Variants in SUSD4 observed in about 807,000 individuals in gnomAD.
SUSD4 encodes the protein sushi domain-containing protein 4.
In SUSD4, 41 loss-of-function variants were observed where a neutral mutation model predicts 50.5. The ratio of observed to expected loss-of-function variants is 0.81; its 90% CI spans 0.63 to 1.05. SUSD4 has a LOEUF of 1.05. Among genes scored for constraint, SUSD4 ranks in the 50% least tolerant of loss-of-function variants. The pLI is 0.00. For missense variants in SUSD4, 580 were observed against 634.7 expected, an observed-to-expected ratio of 0.91 and a Z score of 0.93; for synonymous variants, 257 against 257.3, an observed-to-expected ratio of 1.00 and a Z score of 0.01.
intron 2 of SUSD4, among the ~76,000 whole-genome samples, chr1:223,350,989 A>T (rs529610496): frequency 9.8e-5 from 15 of 152,370 alleles, no homozygotes; most frequent in African/African-American, 3.4e-4. Flanking sequence ...AACAATGAAG[A>T]TACCAATATT....
In SUSD4 at chr1:223,332,983, C is replaced by G. The variant is rs1261565293; in HGVS notation, c.148+30295G>C. 6.6e-6 allele frequency among the ~76,000 whole-genome samples: 1 copy of G among 152,142 alleles called. No individual in the cohort carries two copies. The highest frequency in any genetic ancestry group is 1.5e-5 in the Non-Finnish European group (1 of 68,014). ...AACTGCACACCACACCCTCCTCTCC[C>G]ACACAGTTGTCCTGGGGAAATCATG... On this transcript the variant is annotated intron_variant, in intron 2 of 8. Transcript: ENST00000366878. This position sits in a 1 kb window ranked among gnomAD's most constrained non-coding sequence, Gnocchi z 4.0.
chr1:223,354,967 T>TTTC (rs370245516), intron 2 of SUSD4, among the ~76,000 whole-genome samples: 1 of 151,202 alleles, frequency 6.6e-6, no homozygotes, highest in African/African-American at 2.4e-5. Flanking sequence ...TCTTTCTTTC[T>TTTC]TTTTTTTTGA....
At chr1:223,344,091 A>G (rs1667903443) in intron 2 of SUSD4, among the ~76,000 whole-genome samples, 1 of 152,248 alleles carries the variant, frequency 6.6e-6, no homozygotes, top group South Asian at 2.1e-4. Context: ...AATGTGAGTC[A>G]TAATTTTTCA....
chr1:223,310,252 G>A (rs1665792173), intron 2 of SUSD4, among the ~76,000 whole-genome samples: 1 of 152,180 alleles, frequency 6.6e-6, no homozygotes, highest in Non-Finnish European at 1.5e-5. Flanking sequence ...AAGCACAGCT[G>A]TGATGCTATG....
At position 223,231,450 on chromosome 1, in the gene SUSD4, C is replaced by G. The variant is rs1297825599; in HGVS notation, c.725-2062G>C. ...CAGAGACAGGCTTTGAGCTCTGACT[C>G]TGAGGCCCAGGAGCTTTCTGCTGCT... is the stretch of plus-strand genomic sequence containing the variant. On this transcript the variant is annotated intron_variant, in intron 5 of 8. Transcript: ENST00000366878. The surrounding 1 kb of genome is among the most constrained non-coding windows in gnomAD (Gnocchi z 4.2). Among the ~76,000 whole-genome samples the G allele has an allele frequency of 6.6e-6, 1 of 152,150 alleles. No homozygotes were observed. Among genetic ancestry groups the G allele is most frequent in the Non-Finnish European group, 1.5e-5 (1 of 68,034 alleles).
intron 2 of SUSD4, among the ~76,000 whole-genome samples, chr1:223,313,300 T>C (rs1007915861): frequency 3.9e-5 from 6 of 152,148 alleles, no homozygotes; most frequent in Non-Finnish European, 7.3e-5. Context: ...ATCATGCCTA[T>C]GTAATGGAGC....
chr1:223,248,191 C>T (rs569028345), intron 5 of SUSD4, among the ~76,000 whole-genome samples: 15 of 152,278 alleles, frequency 9.9e-5, no homozygotes, highest in East Asian at 1.9e-4. Context: ...CTTAATGCTA[C>T]GGTCTCAAGT....
Position 223,268,586 on chromosome 1 carries a change from A to G in SUSD4, c.451T>C (p.Phe151Leu), listed in dbSNP as rs758010426. 1 of 1,613,818 alleles carries G rather than the reference A, an allele frequency of 6.2e-7. No individual in the cohort carries two copies. The highest frequency in any genetic ancestry group is 8.5e-7 in the Non-Finnish European group (1 of 1,179,964). ...TGTAGGTCGGGGTACCGGATCTTGA[A>G]TCCTTCATGACAAGTGATGATTAGC... is the stretch of plus-strand genomic sequence containing the variant. ...EKLIITCHEGFKIRYPDLHNM... is the reference protein window; with the variant it reads ...EKLIITCHEGLKIRYPDLHNM... The change falls in exon 4 of 9, where the codon TTC (phenylalanine) becomes CTC (leucine). Residue 151 changes from phenylalanine to leucine, a missense_variant. Phe to Leu is a conservative substitution (Grantham distance 22, BLOSUM62 0). Transcript: ENST00000366878.
intron 2 of SUSD4, among the ~76,000 whole-genome samples, chr1:223,346,263 C>T (rs1668028576): frequency 6.6e-6 from 1 of 152,138 alleles, no homozygotes; most frequent in South Asian, 2.1e-4. Context: ...ATGACTTAAA[C>T]ATGCTCCTCC....
chr1:223,231,798 C>T lies in SUSD4; in HGVS notation c.725-2410G>A, dbSNP rs1397164518. Among the ~76,000 whole-genome samples the T allele has an allele frequency of 2.6e-5, 4 of 152,158 alleles. No individual in the cohort carries two copies. Among genetic ancestry groups the T allele is most frequent in the Non-Finnish European group, 4.4e-5 (3 of 68,028 alleles). ...ACAAGGAAGGGGTCTCCAGTGGCCC[C>T]GGGACTGCCTGGGGGCCCCCTTCCC... On this transcript the variant is annotated intron_variant, in intron 5 of 8. Transcript: ENST00000366878. The surrounding 1 kb of genome is among the most constrained non-coding windows in gnomAD (Gnocchi z 4.2).
intron 2 of SUSD4, among the ~76,000 whole-genome samples, chr1:223,350,597 A>C (rs1375074896): frequency 6.6e-6 from 1 of 152,256 alleles, no homozygotes; most frequent in Non-Finnish European, 1.5e-5. Context: ...AGGACAGAGC[A>C]TTTAGAAATA....
At position 223,264,834 on chromosome 1, in the gene SUSD4, G is replaced by A. The variant is rs1005992575; in HGVS notation, c.536-16C>T. On this transcript the variant is annotated splice_polypyrimidine_tract_variant and intron_variant, in intron 4 of 8. Transcript: ENST00000366878. ...CTCAGGCAGCCTGTGGAAGGTGAAA[G>A]AAAAAGGGAAAGATTCCACTCTGTC... is the stretch of plus-strand genomic sequence containing the variant. 1.7e-5 allele frequency: 28 copies of A among 1,604,418 alleles called. No individual in the cohort carries two copies. Among genetic ancestry groups the A allele is most frequent in the Admixed American group, 3.4e-5 (2 of 58,136 alleles).
intron 2 of SUSD4, among the ~76,000 whole-genome samples, chr1:223,337,369 G>A (rs557378795): frequency 4.9e-4 from 75 of 152,334 alleles, no homozygotes; most frequent in African/African-American, 1.6e-3. Flanking sequence ...ATGAATGAAT[G>A]AATGAATGAA....
intron 2 of SUSD4, among the ~76,000 whole-genome samples, chr1:223,339,263 TG>T (rs1204416438): frequency 6.6e-6 from 1 of 152,110 alleles, no homozygotes; most frequent in Non-Finnish European, 1.5e-5. Flanking sequence ...AGAGGAACGA[TG>T]GGGGTGGAAC....
At chr1:223,316,668 A>T (rs1174598904) in intron 2 of SUSD4, among the ~76,000 whole-genome samples, 1 of 152,178 alleles carries the variant, frequency 6.6e-6, no homozygotes, top group Non-Finnish European at 1.5e-5. Flanking sequence ...AGTGGAGGGC[A>T]AAAGGGAGGC....
rs779007051 is a variant in SUSD4, at chr1:223,223,327, C to T, written c.1366G>A (p.Ala456Thr). The T allele has an allele frequency of 1.9e-6, 3 of 1,608,758 alleles. No homozygotes were observed. Among genetic ancestry groups the T allele is most frequent in the Non-Finnish European group, 2.5e-6 (3 of 1,177,744 alleles). The change falls in exon 8 of 9, where the codon GCT (alanine) becomes ACT (threonine). Residue 456 changes from alanine to threonine, a missense_variant. By Grantham distance (58) the Ala-to-Thr change is moderately conservative. Coordinates refer to ENST00000366878, the MANE Select transcript of SUSD4 (RefSeq NM_017982.4). Reference sequence around the variant, plus strand: ...GCAATTATGTCAGGGTTGTCCGAAGCAGGGTGGGTGCTCTCTTGGCACCTG... The same window carrying T: ...GCAATTATGTCAGGGTTGTCCGAAGTAGGGTGGGTGCTCTCTTGGCACCTG... The part of the protein sequence containing the change: ...PPRCQESTHP[A>T]SDNPDIIAST...
At chr1:223,320,615 C>T (rs1424414446) in intron 2 of SUSD4, among the ~76,000 whole-genome samples, 1 of 152,166 alleles carries the variant, frequency 6.6e-6, no homozygotes, top group African/African-American at 2.4e-5. Flanking sequence ...GCAGCAGACA[C>T]ACAGAAAGAA....
At chr1:223,291,512 C>CAAAAAA (rs1460245024) in intron 3 of SUSD4, among the ~76,000 whole-genome samples, 1 of 99,434 alleles carries the variant, frequency 1.0e-5, no homozygotes, top group Non-Finnish European at 1.9e-5. Context: ...AAAAAAAAAG[C>CAAAAAA]TTATTAAGTT....
chr1:223,311,785 T>C (rs758718259), intron 2 of SUSD4, among the ~76,000 whole-genome samples: 7 of 152,190 alleles, frequency 4.6e-5, no homozygotes, highest in Non-Finnish European at 1.0e-4. Context: ...GACTGTACTA[T>C]CATTATAGGG....
Sources: allele counts gnomAD v4.1 joint callset (sites outside exome capture counted in the v4.1 genomes callset), GRCh38; gene constraint gnomAD v4.1.1; non-coding constraint Gnocchi (gnomAD v3.1); transcripts MANE v1.5; gene names NCBI Gene and HGNC (gene_info 2026-07-23, HGNC 2026-07-21).